EML4: variants seen among roughly 807,000 people sequenced by gnomAD.
The protein encoded by EML4 is EMAP like 4, also known as echinoderm microtubule-associated protein-like 4.
A neutral mutation model predicts 129.0 loss-of-function variants in EML4; 72 were observed. The observed-to-expected ratio is 0.56, with a 90% confidence interval of 0.46 to 0.68. The LOEUF is 0.68. EML4 is among the 30% of genes least tolerant of loss of function. EML4 has a pLI of 0.00. For synonymous variants in EML4, 532 were observed against 405.0 expected, an observed-to-expected ratio of 1.31 and a Z score of -3.77; for missense variants, 1,363 against 1,190.6, an observed-to-expected ratio of 1.14 and a Z score of -2.13.
At chr2:42,285,609 T>C (rs1220472544) in intron 9 of EML4, among the ~76,000 whole-genome samples, 1 of 151,708 alleles carries the variant, frequency 6.6e-6, no homozygotes, top group Non-Finnish European at 1.5e-5. Flanking sequence ...TTTTTTCTTT[T>C]TTTTTTTGAG....
chr2:42,234,109 CTG>C (rs1264457308), intron 1 of EML4, among the ~76,000 whole-genome samples: 1 of 152,350 alleles, frequency 6.6e-6, no homozygotes, highest in East Asian at 1.9e-4. Context: ...CTGCTTTTGC[CTG>C]TGTGTTGTGT....
Position 42,328,890 on chromosome 2 carries a change from C to G in EML4, c.2346C>G (p.Val782=). ...CCCTGTGTTTCCATATCAAAGGTGT[C>G]TGGCCAGAAGGATCTGATGGGACAG... ...TCVLGFQVFG[V]WPEGSDGTDI... is the part of the protein sequence containing the mutation. The change falls in exon 22 of 23, where the codon GTC becomes GTG. Residue 782 remains valine, a synonymous_variant. Coordinates refer to ENST00000318522, the MANE Select transcript of EML4 (RefSeq NM_019063.5). 2.5e-6 allele frequency: 4 copies of G among 1,599,592 alleles called. No individual in the cohort carries two copies. The highest frequency in any genetic ancestry group is 3.4e-6 in the Non-Finnish European group (4 of 1,172,010).
chr2:42,220,686 C>G lies in EML4; in HGVS notation c.26-24819C>G, dbSNP rs538862738. ...AAATCAAAAGCTAGAAATGATGAAG[C>G]TTAGATGAAGAAGGCATGTCAAAAG... On this transcript the variant is annotated intron_variant, in intron 1 of 22. Coordinates refer to ENST00000318522, the MANE Select transcript of EML4 (RefSeq NM_019063.5). Among the ~76,000 whole-genome samples, 250 of 152,182 alleles carry G rather than the reference C, an allele frequency of 1.6e-3. 1 individual carries two copies. The highest frequency in any genetic ancestry group is 5.8e-3 in the African/African-American group (242 of 41,518).
At chr2:42,311,010 CTAA>C (rs1668912514) in intron 17 of EML4, among the ~76,000 whole-genome samples, 1 of 152,134 alleles carries the variant, frequency 6.6e-6, no homozygotes, top group Admixed American at 6.5e-5. Context: ...GAATTAGTGT[CTAA>C]TAATGTATTA....
intron 21 of EML4, 123 bp downstream of exon 21, chr2:42,326,375 C>T (rs1416109794): frequency 1.5e-6 from 1 of 646,632 alleles, no homozygotes; most frequent in Non-Finnish European, 2.6e-6. Flanking sequence ...CTATTAATGT[C>T]AGCCTCAGAG....
At chr2:42,178,542 CCT>C in intron 1 of EML4, among the ~76,000 whole-genome samples, 1 of 152,182 alleles carries the variant, frequency 6.6e-6, no homozygotes, top group East Asian at 1.9e-4. Flanking sequence ...GCAGCGAGAC[CCT>C]GTCTCAAATA....
chr2:42,255,557 A>G (rs1230453732), intron 2 of EML4, among the ~76,000 whole-genome samples: 2 of 152,204 alleles, frequency 1.3e-5, no homozygotes, highest in African/African-American at 2.4e-5. Flanking sequence ...TACTGATATA[A>G]CAATAAGTAA....
chr2:42,174,348 T>A (rs1356430305), intron 1 of EML4, among the ~76,000 whole-genome samples: 1 of 152,138 alleles, frequency 6.6e-6, no homozygotes, highest in Non-Finnish European at 1.5e-5. Context: ...TGGAGTACAA[T>A]GGCACGATCT....
At chr2:42,171,335 G>A (rs1670265756) in intron 1 of EML4, among the ~76,000 whole-genome samples, 1 of 152,162 alleles carries the variant, frequency 6.6e-6, no homozygotes, top group Admixed American at 6.5e-5. Flanking sequence ...CTGTAGGAGT[G>A]GTGAGATCAC....
At chr2:42,283,259 CAT>C (rs1430387382) in intron 8 of EML4, among the ~76,000 whole-genome samples, 1 of 152,118 alleles carries the variant, frequency 6.6e-6, no homozygotes, top group East Asian at 1.9e-4. Flanking sequence ...TAGTGTGAAA[CAT>C]ATATGGGACA....
intron 11 of EML4, among the ~76,000 whole-genome samples, chr2:42,291,267 T>TA: frequency 6.6e-6 from 1 of 152,196 alleles, no homozygotes; most frequent in African/African-American, 2.4e-5. Context: ...GCATGAAAGG[T>TA]AAAAAACAGT....
At chr2:42,284,573 A>G in intron 8 of EML4, 61 bp from the exon 9 acceptor site, 1 of 1,202,182 alleles carries the variant, frequency 8.3e-7, no homozygotes, top group South Asian at 1.3e-5. Flanking sequence ...ATGTCAGTAC[A>G]AAGGTATTCT....
chr2:42,284,152 G>C (rs1343756694), intron 8 of EML4, among the ~76,000 whole-genome samples: 1 of 152,210 alleles, frequency 6.6e-6, no homozygotes, highest in Non-Finnish European at 1.5e-5. Context: ...TATGTGTGAA[G>C]ATGCTCATTG....
At chr2:42,305,433 C>T (rs1668540107) in intron 17 of EML4, among the ~76,000 whole-genome samples, 2 of 152,130 alleles carry the variant, frequency 1.3e-5, no homozygotes, top group Admixed American at 6.5e-5. Context: ...CAGAAAATTT[C>T]TCTCCTCATC....
At chr2:42,237,989 C>T (rs1212148516) in intron 1 of EML4, among the ~76,000 whole-genome samples, 1 of 152,162 alleles carries the variant, frequency 6.6e-6, no homozygotes, top group Non-Finnish European at 1.5e-5. Flanking sequence ...AACCAGTTGT[C>T]CATGTGGGTG....
Position 42,330,523 on chromosome 2 carries a change from G to A in EML4, c.*316G>A, listed in dbSNP as rs1558620262. 2 of 469,614 alleles carry A rather than the reference G, an allele frequency of 4.3e-6. No individual in the cohort carries two copies. The highest frequency in any genetic ancestry group is 1.9e-5 in the African/African-American group (1 of 51,426). The allele number at this position is 469,614 out of a possible 1,614,324, so 29.1% of individuals were successfully genotyped here. ...CAAAAACAGCAGTTGCATTGATTTT[G>A]AAAACAAACCCCCTTGTTATCTGAA... On this transcript the variant is annotated 3_prime_UTR_variant, in exon 23 of 23. Transcript: ENST00000318522.
chr2:42,308,125 T>C (rs924577189), intron 17 of EML4, among the ~76,000 whole-genome samples: 3 of 152,236 alleles, frequency 2.0e-5, no homozygotes, highest in Non-Finnish European at 4.4e-5. Flanking sequence ...AGTACAATTA[T>C]CATTTTAAAA....
intron 10 of EML4, 95 bp downstream of exon 10, chr2:42,286,474 A>C: frequency 1.1e-5 from 8 of 736,472 alleles, no homozygotes; most frequent in Non-Finnish European, 1.9e-5. Context: ...TGAAGTGATA[A>C]TCCTGAGTTG....
chr2:42,288,511 TAGTC>T (rs1405694956), intron 11 of EML4, 189 bp downstream of exon 11: 5 of 346,286 alleles, frequency 1.4e-5, no homozygotes, highest in South Asian at 1.7e-4. Flanking sequence ...CAAGATAAAA[TAGTC>T]AAGCAACTTG....
Sources: allele counts gnomAD v4.1 joint callset (sites outside exome capture counted in the v4.1 genomes callset), GRCh38; gene constraint gnomAD v4.1.1; transcripts MANE v1.5; gene names NCBI Gene and HGNC (gene_info 2026-07-23, HGNC 2026-07-21).